The following GNAQ variants were observed in gnomAD, a reference collection of about 807,000 sequenced individuals.
GNAQ encodes G protein subunit alpha q.
A neutral mutation model predicts 43.9 loss-of-function variants in GNAQ; 8 were observed. The ratio of observed to expected loss-of-function variants is 0.18; its 90% CI spans 0.11 to 0.33. The LOEUF is 0.33. GNAQ is among the 10% of genes least tolerant of loss of function. GNAQ has a pLI of 1.00. For synonymous variants in GNAQ, 155 were observed against 170.7 expected (o/e 0.91, Z 0.71); for missense variants, 158 against 450.8 (o/e 0.35, Z 5.88).
At chr9:77,749,312 A>G (rs2118286457) in intron 5 of GNAQ, among the ~76,000 whole-genome samples, 1 of 152,308 alleles carries the variant, frequency 6.6e-6, no homozygotes, top group Middle Eastern at 3.4e-3. Flanking sequence ...GACCTTATAA[A>G]GTGAGGGGTC....
intron 3 of GNAQ, among the ~76,000 whole-genome samples, chr9:77,808,717 A>C (rs181592025): frequency 7.9e-5 from 12 of 152,260 alleles, no homozygotes; most frequent in African/African-American, 2.9e-4. Context: ...ATTATGTATC[A>C]CATATAATCT....
intron 1 of GNAQ, chr9:78,030,611 T>C: frequency 2.2e-6 from 1 of 459,318 alleles, no homozygotes; most frequent in Non-Finnish European, 4.5e-6. Flanking sequence ...CACCGGCCAC[T>C]CCACCGCAGG....
At chr9:77,907,145 A>G (rs1244177336) in intron 2 of GNAQ, among the ~76,000 whole-genome samples, 1 of 152,198 alleles carries the variant, frequency 6.6e-6, no homozygotes, top group Non-Finnish European at 1.5e-5. Flanking sequence ...TTCATAATTC[A>G]TGGGCAAGTT....
chr9:77,839,180 C>A (rs189881727), intron 2 of GNAQ, among the ~76,000 whole-genome samples: 1 of 152,260 alleles, frequency 6.6e-6, no homozygotes, highest in East Asian at 1.9e-4. Flanking sequence ...GCTACAGCAG[C>A]TGGTGAATAA....
At chr9:77,899,499 T>C (rs1481848588) in intron 2 of GNAQ, among the ~76,000 whole-genome samples, 5 of 150,704 alleles carry the variant, frequency 3.3e-5, no homozygotes, top group African/African-American at 1.2e-4. Context: ...AGTGAGTGGA[T>C]ACTATCCCAC....
intron 1 of GNAQ, among the ~76,000 whole-genome samples, 200 bp from the exon 2 acceptor site, chr9:77,922,545 AAAC>A (rs1391308601): frequency 3.3e-5 from 5 of 152,304 alleles, no homozygotes; most frequent in South Asian, 2.1e-4. Context: ...AGATGACCTC[AAAC>A]AACAACAATG....
chr9:78,017,221 A>G (rs576034825), intron 1 of GNAQ, among the ~76,000 whole-genome samples: 27 of 152,232 alleles, frequency 1.8e-4, no homozygotes, highest in Admixed American at 3.3e-4. Flanking sequence ...TGTGGTGTAA[A>G]CCCTAGCAAC....
intron 2 of GNAQ, among the ~76,000 whole-genome samples, chr9:77,880,320 C>T (rs767781637): frequency 6.6e-6 from 1 of 151,888 alleles, no homozygotes; most frequent in African/African-American, 2.4e-5. Context: ...TTATTTATAC[C>T]CTTTCTCACA....
intron 2 of GNAQ, among the ~76,000 whole-genome samples, chr9:77,861,275 C>T (rs531502532): frequency 2.6e-5 from 4 of 152,278 alleles, no homozygotes; most frequent in African/African-American, 4.8e-5. Flanking sequence ...CAATTGCCTC[C>T]GGCCAGGTCC....
At chr9:77,832,829 G>A (rs375603316) in intron 2 of GNAQ, among the ~76,000 whole-genome samples, 1 of 152,148 alleles carries the variant, frequency 6.6e-6, no homozygotes, top group Non-Finnish European at 1.5e-5. Context: ...GGAGAGGGGG[G>A]AGCTACACCC....
chr9:77,896,141 G>C (rs780860481), intron 2 of GNAQ, among the ~76,000 whole-genome samples: 1 of 152,064 alleles, frequency 6.6e-6, no homozygotes, highest in Non-Finnish European at 1.5e-5. Flanking sequence ...TGGGGGCAGG[G>C]GGCAGTTTAT....
chr9:78,008,619 C>CATTTCATTTTATTTT (rs1446644028), intron 1 of GNAQ, among the ~76,000 whole-genome samples: 106 of 103,026 alleles, frequency 1.0e-3, no homozygotes, highest in African/African-American at 4.7e-3. Context: ...CATTTCATTT[C>CATTTCATTTTATTTT]ATTTTATTTT....
At chr9:77,894,125 C>T (rs992973692) in intron 2 of GNAQ, among the ~76,000 whole-genome samples, 2 of 151,542 alleles carry the variant, frequency 1.3e-5, no homozygotes, top group South Asian at 4.1e-4. Flanking sequence ...GCATTCCAAT[C>T]GAGATGTCTG....
intron 2 of GNAQ, among the ~76,000 whole-genome samples, chr9:77,854,634 G>GT (rs1564131000): frequency 6.6e-6 from 1 of 152,136 alleles, no homozygotes; most frequent in Non-Finnish European, 1.5e-5. Flanking sequence ...ATAAACAAAC[G>GT]TGTGAATGCC....
intron 1 of GNAQ, among the ~76,000 whole-genome samples, chr9:77,982,561 T>C (rs932639566): frequency 6.6e-6 from 1 of 151,960 alleles, no homozygotes; most frequent in Non-Finnish European, 1.5e-5. Context: ...AAACAAACAT[T>C]AGCCTATTCT....
At chr9:77,896,212 A>C (rs990049156) in intron 2 of GNAQ, among the ~76,000 whole-genome samples, 1 of 152,182 alleles carries the variant, frequency 6.6e-6, no homozygotes, top group Non-Finnish European at 1.5e-5. Flanking sequence ...ACAACAAAAG[A>C]AGCTAAATTG....
intron 1 of GNAQ, among the ~76,000 whole-genome samples, chr9:77,949,279 A>C (rs1225434834): frequency 1.3e-5 from 2 of 152,228 alleles, no homozygotes; most frequent in African/African-American, 4.8e-5. Flanking sequence ...GGCAAGTTCA[A>C]GGATGGAACT....
chr9:77,896,093 C>A (rs1352308151), intron 2 of GNAQ, among the ~76,000 whole-genome samples: 3 of 152,104 alleles, frequency 2.0e-5, no homozygotes, highest in Admixed American at 2.0e-4. Flanking sequence ...AGAAGACATG[C>A]TGGATAGAAG....
intron 2 of GNAQ, among the ~76,000 whole-genome samples, chr9:77,903,101 G>C (rs1354449836): frequency 6.6e-6 from 1 of 152,124 alleles, no homozygotes; most frequent in Non-Finnish European, 1.5e-5. Context: ...GCAGGGGTGG[G>C]AAGAGCTCAT....
Sources: allele counts gnomAD v4.1 joint callset (sites outside exome capture counted in the v4.1 genomes callset), GRCh38; gene constraint gnomAD v4.1.1; transcripts MANE v1.5; gene names NCBI Gene and HGNC (gene_info 2026-07-23, HGNC 2026-07-21).